The following CUX1 variants were observed in gnomAD, a reference collection of about 807,000 sequenced individuals.
CUX1 encodes the protein cut like homeobox 1.
Under a neutral mutation model 158.8 loss-of-function variants are expected in CUX1, and 31 were observed. The ratio of observed to expected loss-of-function variants is 0.20; its 90% CI spans 0.15 to 0.26. The LOEUF is 0.26. CUX1 is among the 10% of genes least tolerant of loss of function. The pLI, the probability that CUX1 is intolerant of heterozygous loss-of-function variation, is 1.00. For synonymous variants in CUX1, 879 were observed against 862.1 expected (o/e 1.02, Z -0.34); for missense variants, 1,589 against 2,014.6 (o/e 0.79, Z 4.04).
At chr7:101,936,522 GT>G (rs1806956841) in intron 2 of CUX1, among the ~76,000 whole-genome samples, 1 of 152,176 alleles carries the variant, frequency 6.6e-6, no homozygotes, top group Non-Finnish European at 1.5e-5. Context: ...TCCCCTGGGA[GT>G]TTTCCCGGAT....
chr7:102,107,400 C>T (rs535424031), intron 6 of CUX1, among the ~76,000 whole-genome samples: 1 of 152,052 alleles, frequency 6.6e-6, no homozygotes, highest in Admixed American at 6.6e-5. Flanking sequence ...ATAAGCCAGG[C>T]GTGGTGGCAC....
intron 2 of CUX1, among the ~76,000 whole-genome samples, chr7:101,954,603 G>A (rs565763245): frequency 1.2e-4 from 18 of 152,078 alleles, no homozygotes; most frequent in Admixed American, 1.2e-3. Flanking sequence ...GAGTGCAGGA[G>A]TTTGAGACCA....
At chr7:102,117,183 A>T (rs1476286272) in intron 8 of CUX1, among the ~76,000 whole-genome samples, 2 of 152,176 alleles carry the variant, frequency 1.3e-5, no homozygotes, top group African/African-American at 4.8e-5. Context: ...GGATCACCTG[A>T]GGTCAGGTGT....
chr7:101,919,326 T>C (rs1037684143), intron 2 of CUX1, among the ~76,000 whole-genome samples: 1 of 152,114 alleles, frequency 6.6e-6, no homozygotes, highest in Admixed American at 6.5e-5. Context: ...GGGGTCTCAG[T>C]CTTGAGGAGC....
chr7:102,174,434 A>G (rs543480855), intron 10 of CUX1, among the ~76,000 whole-genome samples: 14 of 152,078 alleles, frequency 9.2e-5, no homozygotes, highest in Non-Finnish European at 1.8e-4. Flanking sequence ...AAAGCTTTGA[A>G]GGCCACCTCT....
At chr7:102,034,403 G>A (rs1821172728) in intron 3 of CUX1, among the ~76,000 whole-genome samples, 1 of 152,020 alleles carries the variant, frequency 6.6e-6, no homozygotes, top group African/African-American at 2.4e-5. Flanking sequence ...GGCTAGGCAT[G>A]GTGGTCAGGA....
chr7:102,233,380 C>CT (rs1799200519), intron 21 of CUX1, among the ~76,000 whole-genome samples: 1 of 152,004 alleles, frequency 6.6e-6, no homozygotes, highest in Non-Finnish European at 1.5e-5. Context: ...TTTGTAGAGA[C>CT]TGAGTCTCAC....
intron 2 of CUX1, among the ~76,000 whole-genome samples, chr7:101,973,149 G>A (rs1812188628): frequency 6.6e-6 from 1 of 152,160 alleles, no homozygotes; most frequent in African/African-American, 2.4e-5. Flanking sequence ...ATCAGAGCGT[G>A]ATTGGGGTTT....
Position 102,278,689 on chromosome 7 carries a change from A to ATAAAATAAAAT in CUX1, c.1680+624_1680+625insTAAAATAAAAT, listed in dbSNP as rs1791811858. ...AAATAAAATATAAAATAAAATAAAT[A>ATAAAATAAAAT]AAATAAAATAATAAAATAGTAAAGT... On this transcript the variant is annotated intron_variant, in intron 18 of 22. Coordinates refer to the CUX1 transcript ENST00000292538. Among the ~76,000 whole-genome samples the ATAAAATAAAAT allele has an allele frequency of 1.8e-3, 258 of 141,072 alleles. 2 individuals are homozygous for ATAAAATAAAAT. The highest frequency in any genetic ancestry group is 2.8e-3 in the Non-Finnish European group (188 of 66,020). 92.5% of individuals were successfully genotyped at this position (141,072 alleles called of 152,430 possible). A position where few individuals can be genotyped will look rare whatever the true frequency, so the allele number is the denominator to read the frequency against.
chr7:102,175,762 G>A (rs775781461), intron 10 of CUX1, among the ~76,000 whole-genome samples: 3 of 152,170 alleles, frequency 2.0e-5, no homozygotes, highest in Non-Finnish European at 2.9e-5. Flanking sequence ...GGCCCTGCCC[G>A]GCATTATTCA....
At chr7:102,118,786 CTG>C (rs1831710342) in intron 8 of CUX1, among the ~76,000 whole-genome samples, 1 of 152,126 alleles carries the variant, frequency 6.6e-6, no homozygotes, top group Non-Finnish European at 1.5e-5. Flanking sequence ...GAATCTTGCT[CTG>C]TCGTCTAGGC....
intron 2 of CUX1, among the ~76,000 whole-genome samples, chr7:101,952,972 ATG>A (rs775484604): frequency 3.3e-5 from 5 of 152,156 alleles, no homozygotes; most frequent in African/African-American, 4.8e-5. Context: ...CACCTCCGAA[ATG>A]TGTGTGTGTT....
At chr7:102,128,464 C>A (rs1211683235) in intron 8 of CUX1, among the ~76,000 whole-genome samples, 3 of 150,758 alleles carry the variant, frequency 2.0e-5, no homozygotes, top group Non-Finnish European at 4.4e-5. Context: ...TTGCCCAGTT[C>A]TACTTCCCAG....
At chr7:101,907,164 G>A (rs1044880404) in intron 1 of CUX1, among the ~76,000 whole-genome samples, 1 of 152,096 alleles carries the variant, frequency 6.6e-6, no homozygotes, top group African/African-American at 2.4e-5. Flanking sequence ...AAACATGAAC[G>A]TTCACTTTGG....
At chr7:102,054,361 T>G (rs1823880956) in intron 3 of CUX1, among the ~76,000 whole-genome samples, 1 of 152,222 alleles carries the variant, frequency 6.6e-6, no homozygotes, top group African/African-American at 2.4e-5. Context: ...GATCAAACTT[T>G]GCTCTTTTGC....
chr7:101,989,106 G>A (rs118081181), intron 2 of CUX1, among the ~76,000 whole-genome samples: 120 of 152,204 alleles, frequency 7.9e-4, no homozygotes, highest in Non-Finnish European at 9.9e-4. Context: ...TCCAAGGCTC[G>A]GCTCAGGGGC....
rs560626683 is a variant in CUX1 at position 102,277,499 on chromosome 7, G to A, written c.1564-450G>A. On this transcript the variant is annotated intron_variant, in intron 17 of 22. Coordinates refer to the CUX1 transcript ENST00000292538. ...TAATCCCAGCTACTTGGGAGGCTGA[G>A]GCAGGAGAATCGCTTGAACCCGGGA... Among the ~76,000 whole-genome samples the A allele has an allele frequency of 1.6e-3, 246 of 152,136 alleles. 2 individuals are homozygous for A. Among genetic ancestry groups the A allele is most frequent in the Non-Finnish European group, 1.7e-3 (118 of 67,990 alleles).
intron 14 of CUX1, among the ~76,000 whole-genome samples, chr7:102,266,583 G>A (rs10239485): frequency 0.18 from 26,748 of 151,954 alleles, 2,548 homozygotes; most frequent in Middle Eastern, 0.28. Flanking sequence ...GCGGATGAGG[G>A]GGCAGAGTGA....
intron 3 of CUX1, among the ~76,000 whole-genome samples, chr7:102,050,874 C>T (rs1004931684): frequency 1.1e-4 from 17 of 152,132 alleles, no homozygotes; most frequent in African/African-American, 3.9e-4. Flanking sequence ...TGCTAAGACC[C>T]TGTGAATTCT....
Sources: gnomAD v4.1 joint callset for allele counts (sites outside exome capture counted in the v4.1 genomes callset) on GRCh38, gnomAD v4.1.1 for gene constraint, MANE v1.5 for transcripts, NCBI Gene and HGNC (gene_info 2026-07-23, HGNC 2026-07-21) for gene names.